The following SPIDR variants were observed in gnomAD, a reference collection of about 807,000 sequenced individuals.
The protein encoded by SPIDR is DNA repair-scaffolding protein.
A neutral mutation model predicts 104.6 loss-of-function variants in SPIDR; 93 were observed. That is an observed-to-expected ratio of 0.89 (90% CI 0.75 to 1.06). The LOEUF (loss-of-function observed/expected upper bound fraction) is 1.06. Ranked by LOEUF, SPIDR falls within the 50% of genes least tolerant of loss-of-function variation. The probability of loss-of-function intolerance (pLI) is 0.00; values close to 1 mark genes in which losing one functional copy is unlikely to be tolerated. For synonymous variants in SPIDR, 431 were observed against 416.9 expected, an observed-to-expected ratio of 1.03 and a Z score of -0.41; for missense variants, 1,154 against 1,111.2, an observed-to-expected ratio of 1.04 and a Z score of -0.55.
At chr8:47,338,360 A>G (rs1368815318) in intron 5 of SPIDR, among the ~76,000 whole-genome samples, 2 of 152,162 alleles carry the variant, frequency 1.3e-5, no homozygotes, top group Non-Finnish European at 2.9e-5. Flanking sequence ...CACAATAACT[A>G]CCTTTGAGAG....
At chr8:47,276,132 GT>G (rs1397765131) in intron 1 of SPIDR, among the ~76,000 whole-genome samples, 3 of 152,114 alleles carry the variant, frequency 2.0e-5, no homozygotes, top group African/African-American at 7.2e-5. Context: ...AAGTGCTGGG[GT>G]TACAGGCATG....
chr8:47,554,227 G>A (rs893427543), intron 8 of SPIDR, among the ~76,000 whole-genome samples: 4 of 152,152 alleles, frequency 2.6e-5, no homozygotes, highest in Non-Finnish European at 4.4e-5. Flanking sequence ...CAGTCTGTCC[G>A]TTCTCAGATC....
intron 10 of SPIDR, among the ~76,000 whole-genome samples, chr8:47,625,590 A>G (rs941259516): frequency 2.0e-5 from 3 of 151,506 alleles, no homozygotes; most frequent in African/African-American, 2.5e-5. Context: ...TTATACACCA[A>G]TAACAGGCAA....
chr8:47,342,943 A>C (rs1473581648), intron 5 of SPIDR, among the ~76,000 whole-genome samples: 1 of 152,138 alleles, frequency 6.6e-6, no homozygotes, highest in Admixed American at 6.5e-5. Context: ...TTTGATTGGA[A>C]ATTGTTGAGA....
At chr8:47,620,646 T>G (rs940448285) in intron 10 of SPIDR, among the ~76,000 whole-genome samples, 2 of 149,138 alleles carry the variant, frequency 1.3e-5, no homozygotes, top group African/African-American at 5.0e-5. Flanking sequence ...TGAGACAGAA[T>G]CTCTCTCTGT....
intron 8 of SPIDR, among the ~76,000 whole-genome samples, chr8:47,591,598 G>A (rs2061020324): frequency 6.6e-6 from 1 of 152,070 alleles, no homozygotes; most frequent in Non-Finnish European, 1.5e-5. Context: ...TGAGGGCTGT[G>A]ATGTTTGTTT....
chr8:47,323,082 G>A (rs2047031042), intron 5 of SPIDR, among the ~76,000 whole-genome samples: 2 of 150,086 alleles, frequency 1.3e-5, no homozygotes, highest in Non-Finnish European at 3.0e-5. Context: ...AAAACGTAAA[G>A]TATAATAAAA....
intron 8 of SPIDR, among the ~76,000 whole-genome samples, chr8:47,582,433 A>G (rs926097518): frequency 1.3e-5 from 2 of 152,196 alleles, no homozygotes; most frequent in Admixed American, 6.5e-5. Flanking sequence ...CTAGGAGGGT[A>G]TTTCACCGTT....
chr8:47,309,780 T>C (rs2043783295), intron 5 of SPIDR, among the ~76,000 whole-genome samples: 1 of 152,244 alleles, frequency 6.6e-6, no homozygotes, highest in South Asian at 2.1e-4. Context: ...GGCTCACGCC[T>C]GTAATCCCAG....
chr8:47,298,822 T>G (rs1282322007), intron 5 of SPIDR, among the ~76,000 whole-genome samples: 1 of 152,232 alleles, frequency 6.6e-6, no homozygotes, highest in African/African-American at 2.4e-5. Context: ...TATCTCTGTT[T>G]TGGTACCAGT....
At chr8:47,422,965 C>G (rs2065808486) in intron 7 of SPIDR, among the ~76,000 whole-genome samples, 1 of 152,052 alleles carries the variant, frequency 6.6e-6, no homozygotes, top group Non-Finnish European at 1.5e-5. Flanking sequence ...ACATATATCT[C>G]AAGATTCTTT....
chr8:47,528,302 A>G (rs1166306923), intron 8 of SPIDR, among the ~76,000 whole-genome samples: 1 of 152,172 alleles, frequency 6.6e-6, no homozygotes, highest in Non-Finnish European at 1.5e-5. Flanking sequence ...GGAAAGATAA[A>G]AAATATTGAA....
intron 8 of SPIDR, among the ~76,000 whole-genome samples, chr8:47,551,719 C>A (rs968309286): frequency 6.6e-6 from 1 of 152,098 alleles, no homozygotes; most frequent in African/African-American, 2.4e-5. Context: ...TTCAAAAAAC[C>A]AGCTCCTGGA....
chr8:47,713,227 T>C, intron 15 of SPIDR: 1 of 598,508 alleles, frequency 1.7e-6, no homozygotes, highest in South Asian at 2.9e-5. Context: ...CTCAGCTATC[T>C]TTTTTAATTT....
chr8:47,560,202 GAATGGCTGTTCT>G (rs2056886680), intron 8 of SPIDR, among the ~76,000 whole-genome samples: 1 of 152,222 alleles, frequency 6.6e-6, no homozygotes. Flanking sequence ...CTTCTGATAG[GAATGGCTGTTCT>G]CTCACCTTGT....
In SPIDR at chr8:47,729,423, C is replaced by T. The variant is rs768570984; in HGVS notation, c.2562C>T (p.Arg854=). The T allele has an allele frequency of 1.7e-5, 27 of 1,595,546 alleles. No homozygotes were observed. In the South Asian group the frequency reaches 3.0e-4, roughly 18 times the overall value. ...TTCTGCTGTTGCAGCTGTTGCAGCGCAGCATTTCCTCCCTGCTGAGGTTTG... is the reference window on the plus strand; with the variant it reads ...TTCTGCTGTTGCAGCTGTTGCAGCGTAGCATTTCCTCCCTGCTGAGGTTTG... ...QCRVKVKLLQ[R]SISSLLRFAA... is the part of the protein sequence containing the mutation. The change falls in exon 19 of 20, where the codon CGC becomes CGT. Residue 854 remains arginine (R), a synonymous_variant. Coordinates refer to ENST00000297423, the MANE Select transcript of SPIDR (RefSeq NM_001080394.4).
At position 47,383,430 on chromosome 8, in the gene SPIDR, G is replaced by A. The variant is rs35289529; in HGVS notation, c.526-12946G>A. Among the ~76,000 whole-genome samples the A allele has an allele frequency of 3.1e-3, 470 of 152,248 alleles. 3 individuals carry two copies. Among genetic ancestry groups the A allele is most frequent in the East Asian group, 0.018 (94 of 5,188 alleles). On this transcript the variant is annotated intron_variant, in intron 5 of 19. Transcript: ENST00000297423. ...ATAATAGTTATTAAAGTAATGGGCC[G>A]GAAATGAATCAGCACTTGCCAGTGT...
intron 8 of SPIDR, among the ~76,000 whole-genome samples, chr8:47,576,445 C>CATAAATATCATTTTTATAAAG (rs1437642513): frequency 6.6e-6 from 1 of 152,046 alleles, no homozygotes. Flanking sequence ...GCCACTGGAC[C>CATAAATATCATTTTTATAAAG]CAGCCTGAGA....
intron 5 of SPIDR, among the ~76,000 whole-genome samples, chr8:47,355,707 G>A (rs782675596): frequency 4.6e-5 from 7 of 152,180 alleles, no homozygotes; most frequent in African/African-American, 1.2e-4. Flanking sequence ...AGTGAAGTTC[G>A]AATGGAAGTT....
Sources: allele counts gnomAD v4.1 joint callset (sites outside exome capture counted in the v4.1 genomes callset), GRCh38; gene constraint gnomAD v4.1.1; transcripts MANE v1.5; gene names NCBI Gene and HGNC (gene_info 2026-07-23, HGNC 2026-07-21).